GRIA1: variants seen among roughly 807,000 people sequenced by gnomAD.
The protein encoded by GRIA1 is glutamate receptor 1.
GRIA1 carries 31 observed loss-of-function variants against 99.2 expected under a neutral mutation model. The observed-to-expected ratio is 0.31, with a 90% CI of 0.23 to 0.42. The LOEUF (loss-of-function observed/expected upper bound fraction) is 0.42. Ranked by LOEUF, GRIA1 falls within the 10% of genes least tolerant of loss-of-function variation. The pLI is 1.00. For synonymous variants in GRIA1, 438 were observed against 432.4 expected (o/e 1.01, Z -0.16); for missense variants, 782 against 1,157.5 (o/e 0.68, Z 4.71).
intron 2 of GRIA1, among the ~76,000 whole-genome samples, chr5:153,562,756 A>T (rs1014639118): frequency 2.0e-5 from 3 of 152,346 alleles, no homozygotes; most frequent in Admixed American, 2.0e-4. Context: ...AGATGAGGAG[A>T]TATTAAAATA....
chr5:153,661,143 C>T (rs1394437884), intron 5 of GRIA1, among the ~76,000 whole-genome samples: 1 of 152,160 alleles, frequency 6.6e-6, no homozygotes, highest in Non-Finnish European at 1.5e-5. Context: ...CTGTCAGCTC[C>T]TTCTGCAAAG....
intron 11 of GRIA1, among the ~76,000 whole-genome samples, chr5:153,737,614 G>A (rs1236468634): frequency 2.0e-5 from 3 of 152,130 alleles, no homozygotes; most frequent in African/African-American, 7.2e-5. Context: ...TAATCAGGAC[G>A]AACTTCCAGT....
At chr5:153,794,809 C>A in intron 14 of GRIA1, 74 bp downstream of exon 14, 1 of 828,092 alleles carries the variant, frequency 1.2e-6, no homozygotes, top group Non-Finnish European at 2.0e-6. Context: ...ACTGTTCTCC[C>A]AATACCTATC....
At chr5:153,560,314 T>C (rs990428852) in intron 2 of GRIA1, among the ~76,000 whole-genome samples, 16 of 152,194 alleles carry the variant, frequency 1.1e-4, no homozygotes, top group African/African-American at 3.6e-4. Flanking sequence ...GGTTTCTAAA[T>C]TGTCATCTCC....
At chr5:153,547,026 A>G (rs1330807890) in intron 2 of GRIA1, among the ~76,000 whole-genome samples, 3 of 152,138 alleles carry the variant, frequency 2.0e-5, no homozygotes, top group African/African-American at 7.2e-5. Flanking sequence ...ATTTGGAATT[A>G]TTTTTTCTTT....
At chr5:153,493,081 T>C (rs1754076720) in intron 1 of GRIA1, among the ~76,000 whole-genome samples, 1 of 152,234 alleles carries the variant, frequency 6.6e-6, no homozygotes, top group African/African-American at 2.4e-5. Context: ...TGACAGTAAA[T>C]ACAAAGGTAA....
chr5:153,663,787 A>C (rs1173387749), intron 5 of GRIA1, among the ~76,000 whole-genome samples: 1 of 152,238 alleles, frequency 6.6e-6, no homozygotes, highest in South Asian at 2.1e-4. Flanking sequence ...GATTGTCTTC[A>C]GTTCAGAGGT....
At chr5:153,654,051 C>A (rs901698329) in intron 4 of GRIA1, among the ~76,000 whole-genome samples, 2 of 152,252 alleles carry the variant, frequency 1.3e-5, no homozygotes, top group Middle Eastern at 3.4e-3. Flanking sequence ...GTTTGTTACC[C>A]TGTATATATT....
At chr5:153,615,117 G>A (rs1766363845) in intron 2 of GRIA1, among the ~76,000 whole-genome samples, 1 of 152,170 alleles carries the variant, frequency 6.6e-6, no homozygotes. Flanking sequence ...GCCTTGTTCA[G>A]TTGTTCCATG....
intron 2 of GRIA1, among the ~76,000 whole-genome samples, chr5:153,555,439 T>C (rs1760542715): frequency 6.6e-6 from 1 of 152,126 alleles, no homozygotes; most frequent in Admixed American, 6.6e-5. Context: ...ACATCAATGT[T>C]TTATCATTTA....
chr5:153,743,939 C>T (rs1761982477), intron 11 of GRIA1, among the ~76,000 whole-genome samples: 1 of 152,120 alleles, frequency 6.6e-6, no homozygotes, highest in Admixed American at 6.5e-5. Context: ...AATGGCAGAG[C>T]TGGACACAGG....
intron 2 of GRIA1, among the ~76,000 whole-genome samples, chr5:153,580,522 G>A (rs547189835): frequency 6.6e-6 from 1 of 152,300 alleles, no homozygotes; most frequent in African/African-American, 2.4e-5. Context: ...CCTTAATCAA[G>A]TGTCTGCCTT....
At chr5:153,582,488 G>C (rs964139738) in intron 2 of GRIA1, among the ~76,000 whole-genome samples, 1 of 152,130 alleles carries the variant, frequency 6.6e-6, no homozygotes, top group East Asian at 1.9e-4. Flanking sequence ...AATGTGGAGC[G>C]AGCCTAAAAG....
At chr5:153,627,961 C>T (rs1291622440) in intron 2 of GRIA1, among the ~76,000 whole-genome samples, 1 of 152,110 alleles carries the variant, frequency 6.6e-6, no homozygotes, top group Non-Finnish European at 1.5e-5. Flanking sequence ...ACAGGAAGGA[C>T]TCACTGGATA....
At chr5:153,689,801 C>T (rs11743342) in intron 8 of GRIA1, among the ~76,000 whole-genome samples, 14,220 of 152,224 alleles carry the variant, frequency 0.093, 797 homozygotes, top group African/African-American at 0.15. Context: ...GGCTGGACTT[C>T]GGCTTCCTCT....
intron 15 of GRIA1, among the ~76,000 whole-genome samples, chr5:153,804,817 T>C (rs1311178502): frequency 6.6e-6 from 1 of 152,098 alleles, no homozygotes; most frequent in African/African-American, 2.4e-5. Flanking sequence ...AGTGGCATGA[T>C]CTCAGCTCAC....
At position 153,705,497 on chromosome 5, in the gene GRIA1, T is replaced by C. The variant is rs562277547; in HGVS notation, c.1453-200T>C. On this transcript the variant is annotated intron_variant, in intron 10 of 15. Coordinates refer to ENST00000285900, the MANE Select transcript of GRIA1 (RefSeq NM_000827.4). ...AACAGTCAAATAACTAGAAAATCTC[T>C]TGTAAGATATTGAGCTGACCATCCA... Among the ~76,000 whole-genome samples the C allele has an allele frequency of 1.2e-4, 19 of 152,186 alleles. No homozygotes were observed. The South Asian group carries it at 3.1e-3, about 25-fold the overall frequency.
At chr5:153,728,156 G>A (rs1760714974) in intron 11 of GRIA1, among the ~76,000 whole-genome samples, 1 of 152,060 alleles carries the variant, frequency 6.6e-6, no homozygotes, top group Non-Finnish European at 1.5e-5. Context: ...TTAATAAATG[G>A]TGCTGGGAAA....
Position 153,511,420 on chromosome 5 carries a change from A to G in GRIA1, c.220+17355A>G, listed in dbSNP as rs114271557. On this transcript the variant is annotated intron_variant, in intron 2 of 15. Transcript: ENST00000285900. ...TCTGGATGGGGATTTTAGTACGTTA[A>G]TAAAGGGAGTTCACCAAAGTTCATC... is the stretch of plus-strand genomic sequence containing the variant. Among the ~76,000 whole-genome samples the G allele has an allele frequency of 3.9e-3, 592 of 152,312 alleles. 2 individuals carry two copies. Among genetic ancestry groups the G allele is most frequent in the South Asian group, 0.025 (123 of 4,826 alleles).
Sources: allele counts gnomAD v4.1 joint callset (sites outside exome capture counted in the v4.1 genomes callset), GRCh38; gene constraint gnomAD v4.1.1; transcripts MANE v1.5; gene names NCBI Gene and HGNC (gene_info 2026-07-23, HGNC 2026-07-21).